CNTNAP2: variants seen among roughly 807,000 people sequenced by gnomAD.
CNTNAP2 encodes the protein contactin associated protein 2, also known as contactin-associated protein-like 2.
CNTNAP2 carries 98 observed loss-of-function variants against 155.2 expected under a neutral mutation model. That is an observed-to-expected ratio of 0.63 (90% confidence interval 0.54 to 0.75). The LOEUF (loss-of-function observed/expected upper bound fraction) is 0.75, where lower values mean the gene tolerates loss of function less well. CNTNAP2 is among the 30% of genes least tolerant of loss of function. The pLI is 0.00. For synonymous variants in CNTNAP2, 651 were observed against 631.2 expected, an observed-to-expected ratio of 1.03 and a Z score of -0.47; for missense variants, 1,727 against 1,688.1, an observed-to-expected ratio of 1.02 and a Z score of -0.40.
intron 4 of CNTNAP2, among the ~76,000 whole-genome samples, chr7:147,105,309 G>T (rs182468133): frequency 7.9e-5 from 12 of 151,892 alleles, no homozygotes; most frequent in Admixed American, 2.6e-4. Flanking sequence ...GCTTTTGTTA[G>T]GAACAAAATT....
At chr7:147,925,729 G>A (rs942172850) in intron 14 of CNTNAP2, among the ~76,000 whole-genome samples, 9 of 152,202 alleles carry the variant, frequency 5.9e-5, no homozygotes, top group African/African-American at 1.9e-4. Flanking sequence ...CCAAAGTGCT[G>A]GGATTACAGG....
chr7:146,933,955 G>A (rs970805649), intron 3 of CNTNAP2, among the ~76,000 whole-genome samples: 32 of 152,210 alleles, frequency 2.1e-4, no homozygotes, highest in Admixed American at 2.0e-3. Flanking sequence ...GTGCTGGAGA[G>A]GATGTGGAGA....
At chr7:147,771,469 G>A (rs779316547) in intron 13 of CNTNAP2, among the ~76,000 whole-genome samples, 2 of 152,292 alleles carry the variant, frequency 1.3e-5, no homozygotes, top group South Asian at 2.1e-4. Context: ...TGGTTGATTC[G>A]TGGGTGACAT....
intron 15 of CNTNAP2, among the ~76,000 whole-genome samples, chr7:148,057,638 G>A (rs1329712973): frequency 6.6e-6 from 1 of 152,152 alleles, no homozygotes; most frequent in Admixed American, 6.5e-5. Context: ...GAATAATAGA[G>A]AAGAAAGACT....
intron 1 of CNTNAP2, among the ~76,000 whole-genome samples, chr7:146,196,214 A>G (rs978009174): frequency 6.6e-6 from 1 of 152,188 alleles, no homozygotes; most frequent in Non-Finnish European, 1.5e-5. Flanking sequence ...ACAGAGAATC[A>G]CCCACACTTT....
intron 12 of CNTNAP2, among the ~76,000 whole-genome samples, chr7:147,614,004 T>A (rs563786341): frequency 2.1e-3 from 321 of 152,334 alleles, no homozygotes; most frequent in Non-Finnish European, 3.9e-3. Context: ...CAATTTTAAA[T>A]TTCTCATAAA....
chr7:146,982,996 T>C (rs1798047853), intron 3 of CNTNAP2, among the ~76,000 whole-genome samples: 1 of 152,202 alleles, frequency 6.6e-6, no homozygotes, highest in South Asian at 2.1e-4. Context: ...ATGGCTTAAT[T>C]CAGATTCATT....
At chr7:147,419,511 T>G (rs74949610) in intron 10 of CNTNAP2, among the ~76,000 whole-genome samples, 44 of 152,326 alleles carry the variant, frequency 2.9e-4, no homozygotes, top group African/African-American at 9.9e-4. Context: ...AGATGCCTTA[T>G]TTTTATTTAA....
intron 14 of CNTNAP2, among the ~76,000 whole-genome samples, chr7:147,939,701 T>A (rs887589825): frequency 1.3e-5 from 2 of 152,182 alleles, no homozygotes; most frequent in Non-Finnish European, 2.9e-5. Flanking sequence ...GGCCTTTAAA[T>A]GCATTGTCAA....
intron 8 of CNTNAP2, among the ~76,000 whole-genome samples, chr7:147,290,683 CAAAAAAAAAAAAA>C (rs71182191): frequency 1.4e-5 from 1 of 73,296 alleles, no homozygotes. Context: ...ACTCCATCTC[CAAAAAAAAAAAAA>C]AAAAAAAAAG....
At chr7:146,499,673 T>C (rs1476654078) in intron 1 of CNTNAP2, among the ~76,000 whole-genome samples, 1 of 152,048 alleles carries the variant, frequency 6.6e-6, no homozygotes, top group Non-Finnish European at 1.5e-5. Flanking sequence ...CTCCTACTTA[T>C]GAGTGAGAAC....
At chr7:148,391,642 C>T (rs564876530) in intron 22 of CNTNAP2, among the ~76,000 whole-genome samples, 23 of 152,186 alleles carry the variant, frequency 1.5e-4, no homozygotes, top group Non-Finnish European at 2.8e-4. Context: ...CACAGAATGC[C>T]AGGCAATTGC....
At chr7:147,335,784 C>T (rs735261) in intron 9 of CNTNAP2, among the ~76,000 whole-genome samples, 4,823 of 152,212 alleles carry the variant, frequency 0.032, 111 homozygotes, top group South Asian at 0.046. Context: ...GATTACTGTA[C>T]TCTTTTATTT....
chr7:147,357,242 A>G (rs1002651638), intron 9 of CNTNAP2, among the ~76,000 whole-genome samples: 2 of 152,116 alleles, frequency 1.3e-5, no homozygotes, highest in Non-Finnish European at 2.9e-5. Flanking sequence ...TCTAATAACC[A>G]GATAACTTTA....
rs757369260 is a variant in CNTNAP2, at chr7:146,777,566, C to CT, written c.208+3200dup. On this transcript the variant is annotated intron_variant, in intron 2 of 23. Coordinates refer to ENST00000361727, the MANE Select transcript of CNTNAP2 (RefSeq NM_014141.6). ...CATACATAGTTGTTACAATACAAAA[C>CT]TTTTTTTTTTTTTTTAAGACAGGGT... 7.1e-3 allele frequency among the ~76,000 whole-genome samples: 1,012 copies of CT among 142,788 alleles called. 6 individuals are homozygous for CT. Among genetic ancestry groups the CT allele is most frequent in the East Asian group, 0.019 (91 of 4,888 alleles). 93.7% of individuals were successfully genotyped at this position (142,788 alleles called of 152,430 possible). A position where few individuals can be genotyped will look rare whatever the true frequency, so the allele number is the denominator to read the frequency against.
intron 10 of CNTNAP2, among the ~76,000 whole-genome samples, chr7:147,433,099 T>C (rs1166583040): frequency 6.6e-6 from 1 of 152,178 alleles, no homozygotes; most frequent in East Asian, 1.9e-4. Flanking sequence ...AAATCAGCAT[T>C]GCACTAAAAA....
At chr7:147,773,940 C>T (rs996674744) in intron 13 of CNTNAP2, among the ~76,000 whole-genome samples, 6 of 152,112 alleles carry the variant, frequency 3.9e-5, no homozygotes, top group African/African-American at 1.2e-4. Context: ...TACTGTGTTC[C>T]AATCATATTG....
chr7:148,069,441 A>G (rs755905403), intron 15 of CNTNAP2, among the ~76,000 whole-genome samples: 5 of 152,086 alleles, frequency 3.3e-5, no homozygotes, highest in Non-Finnish European at 5.9e-5. Context: ...TTCTGGAGAA[A>G]TGACAAGAGA....
Position 147,132,415 on chromosome 7 carries a change from T to G in CNTNAP2, c.1254T>G (p.Asn418Lys). 1 of 1,613,698 alleles carries G rather than the reference T, an allele frequency of 6.2e-7. No individual in the cohort carries two copies. Residue 418 changes from asparagine (N) to lysine (K), a missense_variant, in exon 8 of 24, where the codon AAT becomes AAG. Asn to Lys is a moderately conservative substitution (Grantham distance 94). Transcript: ENST00000361727. ...GLLVFSHFAD[N>K]LGNVEIDLTE... The stretch of plus-strand genomic sequence containing the variant: ...TGGTCTTCAGTCACTTTGCGGATAA[T>G]TTGGGCAATGTGGAGATTGACCTCA...
Sources: gnomAD v4.1 joint callset for allele counts (sites outside exome capture counted in the v4.1 genomes callset) on GRCh38, gnomAD v4.1.1 for gene constraint, MANE v1.5 for transcripts, NCBI Gene and HGNC (gene_info 2026-07-23, HGNC 2026-07-21) for gene names.